The following C1orf54 variants were observed in gnomAD, a reference collection of about 807,000 sequenced individuals.
The protein encoded by C1orf54 is uncharacterized protein C1orf54.
C1orf54 carries 12 observed loss-of-function variants against 14.7 expected under a neutral mutation model. That is an observed-to-expected ratio of 0.82 (90% confidence interval 0.52 to 1.32). The LOEUF is 1.32. Ranked by LOEUF, C1orf54 falls within the 40% of genes most tolerant of loss-of-function variation. The pLI, the probability that C1orf54 is intolerant of heterozygous loss-of-function variation, is 0.00. For synonymous variants in C1orf54, 65 were observed against 56.3 expected (o/e 1.16, Z -0.70); for missense variants, 163 against 162.2 (o/e 1.00, Z -0.03).
At chr1:150,277,837 A>G (rs1462692908) in intron 4 of C1orf54, among the ~76,000 whole-genome samples, 2 of 152,098 alleles carry the variant, frequency 1.3e-5, no homozygotes, top group African/African-American at 4.8e-5. Flanking sequence ...GTGGCTCACG[A>G]CTGTAATCTC....
At chr1:150,280,121 G>T (rs1211650102) in intron 5 of C1orf54, among the ~76,000 whole-genome samples, 8 of 152,208 alleles carry the variant, frequency 5.3e-5, no homozygotes, top group African/African-American at 1.7e-4. Flanking sequence ...CTATTGGGGG[G>T]GATGGGGTGG....
chr1:150,278,502 G>A (rs782321035), intron 4 of C1orf54, among the ~76,000 whole-genome samples: 35 of 152,142 alleles, frequency 2.3e-4, no homozygotes, highest in Non-Finnish European at 4.9e-4. Flanking sequence ...TCACAGATAT[G>A]AAAGTAAATG....
At chr1:150,270,988 TCC>T (rs1652170843), upstream of C1orf54, among the ~76,000 whole-genome samples, 1 of 54,548 alleles carries the variant, frequency 1.8e-5, no homozygotes. Flanking sequence ...AGAGTGAGAC[TCC>T]GTCTCAAAAA....
upstream of C1orf54, chr1:150,268,923 T>A: frequency 1.1e-6 from 1 of 876,624 alleles, no homozygotes; most frequent in African/African-American, 1.7e-5. Context: ...AGGGGCGCGG[T>A]GCAATGTCAC....
chr1:150,271,159 C>A (rs1256731754), upstream of C1orf54, among the ~76,000 whole-genome samples: 9 of 151,542 alleles, frequency 5.9e-5, no homozygotes. Flanking sequence ...GTTGCCTAGA[C>A]TGGAGTACAG....
intron 4 of C1orf54, among the ~76,000 whole-genome samples, chr1:150,277,840 G>A (rs1377224107): frequency 2.0e-5 from 3 of 152,206 alleles, no homozygotes; most frequent in African/African-American, 7.2e-5. Context: ...GCTCACGACT[G>A]TAATCTCAGC....
At chr1:150,278,962 C>A (rs1652887243) in intron 4 of C1orf54, among the ~76,000 whole-genome samples, 1 of 152,190 alleles carries the variant, frequency 6.6e-6, no homozygotes. Flanking sequence ...ACAATAAGGG[C>A]AGTTAATTCT....
chr1:150,278,216 T>A (rs587770075), intron 4 of C1orf54, among the ~76,000 whole-genome samples: 12 of 152,290 alleles, frequency 7.9e-5, no homozygotes, highest in Admixed American at 6.5e-4. Context: ...GCATTATGAA[T>A]GGAGAGGAGA....
intron 4 of C1orf54, 71 bp downstream of exon 4, chr1:150,276,703 T>G: frequency 8.1e-7 from 1 of 1,234,416 alleles, no homozygotes. Context: ...CATAGAGGGC[T>G]GGAATACCAG....
chr1:150,272,810 A>C lies in C1orf54; in HGVS notation c.-8A>C, dbSNP rs1553851528. 7 of 1,614,166 alleles carry C rather than the reference A, an allele frequency of 4.3e-6. No homozygotes were observed. Among genetic ancestry groups the C allele is most frequent in the Non-Finnish European group, 4.2e-6 (5 of 1,180,020 alleles). ...TTTTACTTTCACAGCAATAGTGCAG[A>C]ATCCAGAATGGATGTCCTCTTTGTA... On this transcript the variant is annotated 5_prime_UTR_variant, in exon 1 of 6. Coordinates refer to ENST00000369099, the MANE Select transcript of C1orf54 (RefSeq NM_024579.4).
intron 4 of C1orf54, among the ~76,000 whole-genome samples, chr1:150,277,762 G>C (rs1572111238): frequency 6.6e-6 from 1 of 152,080 alleles, no homozygotes; most frequent in African/African-American, 2.4e-5. Flanking sequence ...AAGGAGCCTA[G>C]TAAGTTCTTC....
At chr1:150,269,026 C>T, upstream of C1orf54, 1 of 507,622 alleles carries the variant, frequency 2.0e-6, no homozygotes, top group South Asian at 2.1e-5. Flanking sequence ...GGGGACAAAT[C>T]CCGGCCGCAG....
chr1:150,272,925 A>G lies in C1orf54; in HGVS notation c.46+62A>G. 2.6e-6 allele frequency: 4 copies of G among 1,549,542 alleles called. No individual in the cohort carries two copies. The South Asian group carries it at 4.5e-5, about 17-fold the overall frequency. On this transcript the variant is annotated intron_variant, in intron 1 of 5. Coordinates refer to ENST00000369099, the MANE Select transcript of C1orf54 (RefSeq NM_024579.4). ...TCTTCTACCATAAATGGGGTGGGAG[A>G]AAAAAAATGAGGAGTGGGTGAGAGG...
upstream of C1orf54, chr1:150,269,070 C>G (rs201231927): frequency 2.4e-6 from 1 of 423,726 alleles, no homozygotes; most frequent in Non-Finnish European, 4.4e-6. Flanking sequence ...TCCCCACCCC[C>G]GGAAGGCCAA....
chr1:150,278,998 G>A (rs1253402159), intron 4 of C1orf54, among the ~76,000 whole-genome samples: 3 of 152,236 alleles, frequency 2.0e-5, no homozygotes, highest in Non-Finnish European at 4.4e-5. Flanking sequence ...TAGGCTGGGC[G>A]CAGTGGCTCA....
At chr1:150,279,600 A>C in intron 4 of C1orf54, 43 bp from the exon 5 acceptor site, 1 of 1,546,206 alleles carries the variant, frequency 6.5e-7, no homozygotes, top group Non-Finnish European at 8.8e-7. Context: ...TGGTAGGAGG[A>C]ATGACACCAG....
At position 150,279,700 on chromosome 1, in the gene C1orf54, T is replaced by A; in HGVS notation, c.358T>A (p.Ser120Thr). 6.2e-7 allele frequency: 1 copy of A among 1,613,328 alleles called. No homozygotes were observed. The highest frequency in any genetic ancestry group is 8.5e-7 in the Non-Finnish European group (1 of 1,179,690). The change falls in exon 5 of 6, where the codon TCG becomes ACG. Residue 120 changes from serine to threonine, a missense_variant. Physicochemically the swap from Ser to Thr is moderately conservative, Grantham distance 58. Coordinates refer to ENST00000369099, the MANE Select transcript of C1orf54 (RefSeq NM_024579.4). The stretch of plus-strand genomic sequence containing the variant: ...GCGAAGTCCTATTCCCCTCCTCCTG[T>A]CGTGTGCCTTTGTTCAGGTGGGGAT... ...SLRSPIPLLL[S>T]CAFVQVGMYF... is the part of the protein sequence containing the mutation.
intron 2 of C1orf54, among the ~76,000 whole-genome samples, chr1:150,275,299 G>A (rs1242040149): frequency 4.0e-5 from 6 of 150,498 alleles, no homozygotes; most frequent in African/African-American, 1.5e-4. Flanking sequence ...GCCTCCCAAA[G>A]TGCTGGGATT....
chr1:150,276,963 G>A (rs587693165), intron 4 of C1orf54, among the ~76,000 whole-genome samples: 17 of 152,202 alleles, frequency 1.1e-4, no homozygotes, highest in Non-Finnish European at 1.5e-4. Context: ...TCAAGTTTAC[G>A]AAACACTTAG....
Sources: allele counts gnomAD v4.1 joint callset (sites outside exome capture counted in the v4.1 genomes callset), GRCh38; gene constraint gnomAD v4.1.1; transcripts MANE v1.5; gene names NCBI Gene and HGNC (gene_info 2026-07-23, HGNC 2026-07-21).